Variants in RBFOX1 observed in about 807,000 individuals in gnomAD.
RBFOX1 encodes RNA binding fox-1 homolog 1, also known as RNA binding protein fox-1 homolog 1.
A neutral mutation model predicts 57.7 loss-of-function variants in RBFOX1; 8 were observed. The observed-to-expected ratio is 0.14, with a 90% CI of 0.08 to 0.25. RBFOX1 has a LOEUF of 0.25. Ranked by LOEUF, RBFOX1 falls within the 10% of genes least tolerant of loss-of-function variation. The pLI is 1.00. For missense variants in RBFOX1, 611 were observed against 548.5 expected, an observed-to-expected ratio of 1.11 and a Z score of -1.14; for synonymous variants, 326 against 222.4, an observed-to-expected ratio of 1.47 and a Z score of -4.15.
At chr16:7,381,319 ATG>A (rs1294429646) in intron 4 of RBFOX1, among the ~76,000 whole-genome samples, 1 of 152,216 alleles carries the variant, frequency 6.6e-6, no homozygotes, top group Non-Finnish European at 1.5e-5. Context: ...TGTGCAAGTA[ATG>A]CATATAACTT....
intron 3 of RBFOX1, among the ~76,000 whole-genome samples, chr16:6,848,398 A>G (rs1378794863): frequency 6.6e-6 from 1 of 152,156 alleles, no homozygotes; most frequent in Non-Finnish European, 1.5e-5. Context: ...ACAAAGTTTT[A>G]TGAAAATGCT....
intron 3 of RBFOX1, among the ~76,000 whole-genome samples, chr16:5,813,407 G>C (rs1338874658): frequency 6.6e-6 from 1 of 151,912 alleles, no homozygotes; most frequent in Admixed American, 6.6e-5. Flanking sequence ...ATTCCTCCCC[G>C]GCCCTCAGTA....
intron 1 of RBFOX1, among the ~76,000 whole-genome samples, chr16:5,251,334 G>C: frequency 6.6e-6 from 1 of 152,278 alleles, no homozygotes; most frequent in Non-Finnish European, 1.5e-5. Flanking sequence ...GGTTCAGTGA[G>C]ATCACTGTTG....
At chr16:7,021,469 T>G (rs2039042704) in intron 3 of RBFOX1, among the ~76,000 whole-genome samples, 2 of 146,062 alleles carry the variant, frequency 1.4e-5, no homozygotes, top group African/African-American at 4.9e-5. Flanking sequence ...TTAATATAAT[T>G]TATATTGTAT....
At position 7,324,464 on chromosome 16, in the gene RBFOX1, G is replaced by C. The variant is rs563804089; in HGVS notation, c.28-193683G>C. 3.9e-5 allele frequency among the ~76,000 whole-genome samples: 6 copies of C among 152,248 alleles called. No individual in the cohort carries two copies. The South Asian group carries it at 8.3e-4, about 21-fold the overall frequency. ...CCTCCCCCCTTCTGAGAGGCCTCAG[G>C]GGGTATTTGTTTGCCTCAAGCAAGG... On this transcript the variant is annotated intron_variant, in intron 4 of 15. Coordinates refer to ENST00000550418, the MANE Select transcript of RBFOX1 (RefSeq NM_018723.4).
intron 2 of RBFOX1, among the ~76,000 whole-genome samples, chr16:6,646,001 G>C (rs2098531334): frequency 6.6e-6 from 1 of 152,164 alleles, no homozygotes; most frequent in East Asian, 1.9e-4. Flanking sequence ...AGCCTCCGCT[G>C]TTCAGGGTTT....
intron 1 of RBFOX1, among the ~76,000 whole-genome samples, chr16:6,309,893 T>TTAG (rs935241248): frequency 1.5e-4 from 23 of 152,280 alleles, no homozygotes; most frequent in African/African-American, 4.8e-4. Flanking sequence ...CTTATTGACT[T>TTAG]TAGTAGTAGT....
At position 6,655,057 on chromosome 16, in the gene RBFOX1, A is replaced by G. The variant is rs958659216; in HGVS notation, c.-16+407A>G. Reference sequence around the variant, plus strand: ...ATTAGGCTTCCCAGGGTGTGTCCCTATATATCTGACTCATACACTTGAAAA... The same window carrying G: ...ATTAGGCTTCCCAGGGTGTGTCCCTGTATATCTGACTCATACACTTGAAAA... On this transcript the variant is annotated intron_variant, in intron 3 of 15. Coordinates refer to ENST00000550418, the MANE Select transcript of RBFOX1 (RefSeq NM_018723.4). Among the ~76,000 whole-genome samples the G allele has an allele frequency of 7.9e-5, 12 of 151,948 alleles. No individual in the cohort carries two copies. The East Asian group carries it at 2.3e-3, about 29-fold the overall frequency.
rs576945391 is a variant in RBFOX1 at position 7,443,558 on chromosome 16, C to T, written c.28-74589C>T. Among the ~76,000 whole-genome samples, 3 of 152,056 alleles carry T rather than the reference C, an allele frequency of 2.0e-5. No individual in the cohort carries two copies. In the South Asian group the frequency reaches 6.2e-4, roughly 32 times the overall value. ...TTGTTGGTGTAATAAGTATCCTCAT[C>T]TTATATTTCTGTGGCTCCTTGAAAC... On this transcript the variant is annotated intron_variant, in intron 4 of 15. Transcript: ENST00000550418.
intron 2 of RBFOX1, among the ~76,000 whole-genome samples, chr16:6,653,067 A>C (rs549643397): frequency 1.3e-5 from 2 of 151,980 alleles, no homozygotes; most frequent in Non-Finnish European, 2.9e-5. Flanking sequence ...TTTCCAGTGC[A>C]TTTCCCCCTT....
chr16:5,539,195 G>A (rs2044829533), intron 2 of RBFOX1, among the ~76,000 whole-genome samples: 3 of 152,150 alleles, frequency 2.0e-5, no homozygotes, highest in African/African-American at 7.2e-5. Flanking sequence ...ATGGGTCCAG[G>A]TCAGGTCCCA....
chr16:5,869,545 G>T (rs1487685174), intron 4 of RBFOX1, among the ~76,000 whole-genome samples: 1 of 152,076 alleles, frequency 6.6e-6, no homozygotes, highest in Non-Finnish European at 1.5e-5. Flanking sequence ...GGGAGTACAG[G>T]TGCGTGCCAC....
At chr16:6,297,482 A>G (rs567133831) in intron 1 of RBFOX1, among the ~76,000 whole-genome samples, 2 of 152,218 alleles carry the variant, frequency 1.3e-5, no homozygotes, top group South Asian at 2.1e-4. Context: ...GGCATTTTAT[A>G]AAATGCCTGT....
At chr16:5,303,569 C>G (rs2063857557) in intron 1 of RBFOX1, among the ~76,000 whole-genome samples, 3 of 152,124 alleles carry the variant, frequency 2.0e-5, no homozygotes, top group Admixed American at 2.0e-4. Flanking sequence ...TTTAGATAAA[C>G]TTCAGACATG....
At chr16:6,946,328 T>C (rs1568016670) in intron 3 of RBFOX1, among the ~76,000 whole-genome samples, 3 of 152,190 alleles carry the variant, frequency 2.0e-5, no homozygotes, top group African/African-American at 7.2e-5. Context: ...TTTACAAAAA[T>C]AGTCAGTGGG....
At chr16:7,248,350 T>C (rs1358778807) in intron 4 of RBFOX1, among the ~76,000 whole-genome samples, 1 of 152,204 alleles carries the variant, frequency 6.6e-6, no homozygotes, top group Non-Finnish European at 1.5e-5. Flanking sequence ...CATTTTGTCG[T>C]CAGCTCTTCT....
chr16:7,473,637 T>C (rs1441603305), intron 4 of RBFOX1, among the ~76,000 whole-genome samples: 1 of 151,700 alleles, frequency 6.6e-6, no homozygotes, highest in Non-Finnish European at 1.5e-5. Flanking sequence ...AACAGTAATA[T>C]CTTGTTGTGC....
Position 5,339,470 on chromosome 16 carries a change from G to GT in RBFOX1, c.219+99395dup, listed in dbSNP as rs560472298. Among the ~76,000 whole-genome samples, 302 of 40,866 alleles carry GT rather than the reference G, an allele frequency of 7.4e-3. 58 individuals carry two copies. Among genetic ancestry groups the GT allele is most frequent in the Middle Eastern group, 0.031 (1 of 32 alleles). The allele number at this position is 40,866 out of a possible 152,430, so 26.8% of individuals were successfully genotyped here. On this transcript the variant is annotated intron_variant, in intron 1 of 2. Transcript: ENST00000585867. ...AAAAGCTAGAAGCTGCTTTTTCCGT[G>GT]TTTTTTTTTTTTTTTTTTTTTTTTT...
At chr16:6,883,598 C>T (rs908946081) in intron 3 of RBFOX1, among the ~76,000 whole-genome samples, 1 of 152,158 alleles carries the variant, frequency 6.6e-6, no homozygotes, top group Admixed American at 6.5e-5. Context: ...GAAGTAACAC[C>T]CTCAAGCTGT....
Sources: gnomAD v4.1 joint callset for allele counts (sites outside exome capture counted in the v4.1 genomes callset) on GRCh38, gnomAD v4.1.1 for gene constraint, MANE v1.5 for transcripts, NCBI Gene and HGNC (gene_info 2026-07-23, HGNC 2026-07-21) for gene names.